Variants in PCM1 observed in about 807,000 individuals in gnomAD.
PCM1 encodes the protein pericentriolar material 1 protein.
Under a neutral mutation model 241.9 loss-of-function variants are expected in PCM1, and 157 were observed. The observed-to-expected ratio is 0.65, with a 90% CI of 0.57 to 0.74. The LOEUF (loss-of-function observed/expected upper bound fraction) is 0.74. Among genes scored for constraint, PCM1 ranks in the 30% least tolerant of loss-of-function variants. The pLI is 0.00. For synonymous variants in PCM1, 1,085 were observed against 784.9 expected (o/e 1.38, Z -6.39); for missense variants, 3,478 against 2,360.1 (o/e 1.47, Z -9.81).
chr8:18,016,381 AAACTATGCCTTT>A (rs1275991500), intron 36 of PCM1, among the ~76,000 whole-genome samples: 1 of 152,200 alleles, frequency 6.6e-6, no homozygotes, highest in African/African-American at 2.4e-5. Context: ...TAGGAACATG[AAACTATGCCTTT>A]AACTATGCCT....
At chr8:17,982,666 T>C (rs946877478) in intron 24 of PCM1, 7 of 152,168 alleles carry the variant, frequency 4.6e-5, no homozygotes, top group African/African-American at 1.7e-4. Flanking sequence ...GGCTAATTTT[T>C]TGTATTTTTA....
At chr8:17,937,081 A>C (rs975567412) in intron 3 of PCM1, 53 bp from the exon 4 acceptor site, 1 of 1,416,460 alleles carries the variant, frequency 7.1e-7, no homozygotes, top group Non-Finnish European at 9.5e-7. Flanking sequence ...ATACCAATCT[A>C]TTTTCCTGGT....
intron 36 of PCM1, 125 bp from the exon 37 acceptor site, chr8:18,025,236 C>T: frequency 2.6e-6 from 1 of 388,982 alleles, no homozygotes; most frequent in Non-Finnish European, 4.7e-6. Flanking sequence ...CTAAATTATT[C>T]ATAGAGCTGA....
chr8:18,023,298 C>G (rs118016637), intron 36 of PCM1, among the ~76,000 whole-genome samples: 1 of 152,148 alleles, frequency 6.6e-6, no homozygotes, highest in Non-Finnish European at 1.5e-5. Flanking sequence ...TGATCCCTTA[C>G]AAAAGAACTC....
At chr8:17,936,001 C>T (rs183691492) in intron 3 of PCM1, among the ~76,000 whole-genome samples, 1 of 152,236 alleles carries the variant, frequency 6.6e-6, no homozygotes, top group African/African-American at 2.4e-5. Context: ...GGGAAATTAT[C>T]AAGAATTACG....
chr8:17,995,433 T>C (rs991573222), intron 29 of PCM1, among the ~76,000 whole-genome samples: 1 of 151,466 alleles, frequency 6.6e-6, no homozygotes, highest in African/African-American at 2.5e-5. Context: ...GTTTCTGTTG[T>C]TTGTATGCCA....
At position 17,953,109 on chromosome 8, in the gene PCM1, A is replaced by G. The variant is rs573554162; in HGVS notation, c.1211A>G (p.Gln404Arg). Residue 404 changes from glutamine to arginine, a missense_variant, in exon 9 of 39, where the codon CAG (glutamine) becomes CGG (arginine). Transcript: ENST00000325083. ...VELFSKMRVLQEKKQKMDKLL... is the reference protein window; with the variant it reads ...VELFSKMRVLREKKQKMDKLL... ...CTTTTTAGCAAAATGAGAGTGCTAC[A>G]GGAAAAGAAACAAAAAATGGACAAA... The G allele has an allele frequency of 1.3e-6, 2 of 1,598,814 alleles. No homozygotes were observed. Among genetic ancestry groups the G allele is most frequent in the Non-Finnish European group, 1.7e-6 (2 of 1,171,900 alleles).
rs770346967 is a variant in PCM1, at chr8:17,957,664, C to T, written c.1929C>T (p.Ser643=). 6.9e-6 allele frequency: 11 copies of T among 1,605,672 alleles called. No individual in the cohort carries two copies. Among genetic ancestry groups the T allele is most frequent in the East Asian group, 2.2e-5 (1 of 44,712 alleles). ...VSGASLSSHR[S]SLVDEHPEDA... is the part of the protein sequence containing the mutation. ...GAGCTTCATTATCTAGTCACAGGAG[C>T]AGTCTGGTTGATGAGCATCCAGAAG... The change falls in exon 13 of 39, where the codon AGC becomes AGT. Residue 643 remains serine, a synonymous_variant. Coordinates refer to ENST00000325083, the MANE Select transcript of PCM1 (RefSeq NM_006197.4).
intron 15 of PCM1, 89 bp downstream of exon 15, chr8:17,960,533 C>CTTTTTTTCTTT (rs1554670208): frequency 1.9e-6 from 1 of 529,748 alleles, no homozygotes; most frequent in African/African-American, 2.4e-5. Flanking sequence ...TTTTGTTTTT[C>CTTTTTTTCTTT]TTTTTTTTTG....
chr8:17,985,641 T>C, intron 25 of PCM1, 22 bp downstream of exon 25: 8 of 1,570,240 alleles, frequency 5.1e-6, no homozygotes, highest in Non-Finnish European at 7.0e-6. Context: ...CTAACATAAT[T>C]TTTCCTACCC....
chr8:17,927,828 C>A (rs935363476), intron 2 of PCM1: 1 of 141,602 alleles, frequency 7.1e-6, no homozygotes, highest in African/African-American at 2.7e-5. Flanking sequence ...GGATTACAAG[C>A]GTGAGCCACC....
At chr8:17,938,548 A>T (rs2129449939) in intron 4 of PCM1, among the ~76,000 whole-genome samples, 192 bp from the exon 5 acceptor site, 1 of 152,302 alleles carries the variant, frequency 6.6e-6, no homozygotes, top group East Asian at 1.9e-4. Context: ...AAGTCTAGAA[A>T]ATGCTAATCA....
In PCM1 at chr8:18,011,772, A is replaced by C. The variant is rs1208754237; in HGVS notation, c.5456A>C (p.Gln1819Pro). The change falls in exon 34 of 39, where the codon CAG (glutamine) becomes CCG (proline). Residue 1819 changes from glutamine (Q) to proline (P), a missense_variant. Coordinates refer to ENST00000325083, the MANE Select transcript of PCM1 (RefSeq NM_006197.4). ...EEFEEGPVDVQTSLQANTEAT... is the reference protein window; with the variant it reads ...EEFEEGPVDVPTSLQANTEAT... ...TTTGAAGAAGGCCCTGTGGATGTCCAGACTTCCCTCCAGGCTAACACTGAA... is the reference window on the plus strand; with the variant it reads ...TTTGAAGAAGGCCCTGTGGATGTCCCGACTTCCCTCCAGGCTAACACTGAA... 1 of 1,613,826 alleles carries C rather than the reference A, an allele frequency of 6.2e-7. No individual in the cohort carries two copies. The highest frequency in any genetic ancestry group is 1.3e-5 in the African/African-American group (1 of 75,056).
intron 27 of PCM1, among the ~76,000 whole-genome samples, chr8:17,990,471 T>G (rs570287139): frequency 1.1e-4 from 16 of 151,920 alleles, no homozygotes; most frequent in Admixed American, 2.6e-4. Flanking sequence ...GGTTGTTTTT[T>G]TTTGTTTGTT....
At position 17,962,197 on chromosome 8, in the gene PCM1, G is replaced by C. The variant is rs750929341; in HGVS notation, c.2463+23G>C. 33 of 1,574,618 alleles carry C rather than the reference G, an allele frequency of 2.1e-5. No homozygotes were observed. In the East Asian group the frequency reaches 3.4e-4, roughly 16 times the overall value. ...GAGGTATTGTAAATTGTACTCTCTT[G>C]TTCCTGAGTTAGTCTTTTGTTTTCC... On this transcript the variant is annotated intron_variant, in intron 16 of 38. Transcript: ENST00000325083.
intron 28 of PCM1, among the ~76,000 whole-genome samples, chr8:17,992,585 C>G (rs1036859233): frequency 7.0e-6 from 1 of 141,914 alleles, no homozygotes; most frequent in African/African-American, 2.6e-5. Flanking sequence ...GAGGAGTTGT[C>G]TATATCCTTA....
Position 17,956,612 on chromosome 8 carries a change from A to G in PCM1, c.1481A>G (p.Asn494Ser), listed in dbSNP as rs1189563680. 6.3e-7 allele frequency: 1 copy of G among 1,584,182 alleles called. No homozygotes were observed. The highest frequency in any genetic ancestry group is 8.6e-7 in the Non-Finnish European group (1 of 1,163,294). Residue 494 changes from asparagine (N) to serine (S), a missense_variant, in exon 11 of 39, where the codon AAT (asparagine) becomes AGT (serine). Physicochemically the swap from Asn to Ser is conservative, Grantham distance 46. Coordinates refer to ENST00000325083, the MANE Select transcript of PCM1 (RefSeq NM_006197.4). ...LNPSEKLQKL[N>S]EVRKRLNELR... ...AATTTTTTGTTTATCAGGAAGTTAA[A>G]TGAAGTTCGAAAGAGATTGAATGAG...
chr8:17,951,871 T>G (rs1417658127), intron 8 of PCM1, among the ~76,000 whole-genome samples: 4 of 152,106 alleles, frequency 2.6e-5, no homozygotes, highest in African/African-American at 9.7e-5. Context: ...ATGGGAGATA[T>G]TCATTATATG....
At chr8:18,027,096 T>C (rs560871803) in intron 38 of PCM1, among the ~76,000 whole-genome samples, 161 of 152,328 alleles carry the variant, frequency 1.1e-3, no homozygotes, top group Admixed American at 1.6e-3. Flanking sequence ...TTGATGAAAA[T>C]TGCATGATAT....
Sources: allele counts gnomAD v4.1 joint callset (sites outside exome capture counted in the v4.1 genomes callset), GRCh38; gene constraint gnomAD v4.1.1; transcripts MANE v1.5; gene names NCBI Gene and HGNC (gene_info 2026-07-23, HGNC 2026-07-21).